Variants in POU2F3 observed in about 807,000 individuals in gnomAD.
POU2F3 encodes POU domain, class 2, transcription factor 3.
Under a neutral mutation model 59.2 loss-of-function variants are expected in POU2F3, and 23 were observed. The ratio of observed to expected loss-of-function variants is 0.39; its 90% CI spans 0.28 to 0.55. The LOEUF (loss-of-function observed/expected upper bound fraction) is 0.55, where lower values mean the gene tolerates loss of function less well. POU2F3 is among the 20% of genes least tolerant of loss of function. The pLI, the probability that POU2F3 is intolerant of heterozygous loss-of-function variation, is 0.66. For synonymous variants in POU2F3, 190 were observed against 214.6 expected (o/e 0.89, Z 1.00); for missense variants, 473 against 544.5 (o/e 0.87, Z 1.31).
intron 3 of POU2F3, among the ~76,000 whole-genome samples, chr11:120,280,701 G>C (rs1432369487): frequency 6.6e-6 from 1 of 152,176 alleles, no homozygotes; most frequent in African/African-American, 2.4e-5. Flanking sequence ...ATGTTACCCA[G>C]AGCCCCTCAC....
At chr11:120,297,722 T>A (rs1314826536) in intron 3 of POU2F3, among the ~76,000 whole-genome samples, 1 of 152,114 alleles carries the variant, frequency 6.6e-6, no homozygotes, top group African/African-American at 2.4e-5. Context: ...ATTTTAACCT[T>A]CTTCCTCCTA....
intron 6 of POU2F3, chr11:120,303,760 T>C (rs1941408757): frequency 6.6e-6 from 1 of 152,208 alleles, no homozygotes; most frequent in Non-Finnish European, 1.5e-5. Context: ...GAGGTCCTTT[T>C]ACCTTCTTCA....
intron 6 of POU2F3, 125 bp from the exon 7 acceptor site, chr11:120,304,905 A>C: frequency 5.4e-6 from 4 of 735,884 alleles, no homozygotes. Flanking sequence ...CCCAGGGTGT[A>C]TCCAGGGATC....
chr11:120,258,432 C>T (rs1180775713), intron 2 of POU2F3, among the ~76,000 whole-genome samples: 1 of 152,190 alleles, frequency 6.6e-6, no homozygotes, highest in Non-Finnish European at 1.5e-5. Context: ...TTGCCATTTG[C>T]TGGTCGCATG....
At chr11:120,270,301 T>G (rs904301735) in intron 3 of POU2F3, among the ~76,000 whole-genome samples, 9 of 152,094 alleles carry the variant, frequency 5.9e-5, no homozygotes, top group African/African-American at 2.2e-4. Flanking sequence ...CGGGGTGGAA[T>G]GTCTATAGAG....
rs903586978 is a variant in POU2F3, at chr11:120,240,264, C to G, written c.-80C>G. The G allele has an allele frequency of 7.9e-7, 1 of 1,267,520 alleles. No homozygotes were observed. The highest frequency in any genetic ancestry group is 1.5e-5 in the African/African-American group (1 of 64,680). 78.5% of individuals were successfully genotyped at this position (1,267,520 alleles called of 1,614,324 possible). On this transcript the variant is annotated 5_prime_UTR_variant, in exon 1 of 13. Transcript: ENST00000543440. ...GCGGCCGGGAACTGGAGGAAGGAGA[C>G]CCTGGCTTCGCAGGGGCCCCGGCTG...
intron 3 of POU2F3, among the ~76,000 whole-genome samples, chr11:120,284,582 G>A (rs144531268): frequency 8.1e-4 from 124 of 152,286 alleles, no homozygotes; most frequent in Non-Finnish European, 1.3e-3. Flanking sequence ...CCAGTTTGAG[G>A]TTTGTAGTTA....
intron 3 of POU2F3, 128 bp downstream of exon 3, chr11:120,269,372 G>A: frequency 1.3e-6 from 1 of 752,408 alleles, no homozygotes; most frequent in South Asian, 1.9e-5. Context: ...CAACCTTTCA[G>A]GATCAAAGGA....
At chr11:120,313,944 G>A (rs919606969) in intron 10 of POU2F3, among the ~76,000 whole-genome samples, 1 of 152,200 alleles carries the variant, frequency 6.6e-6, no homozygotes, top group African/African-American at 2.4e-5. Flanking sequence ...AACCCAGGAG[G>A]CAGAGGTTGC....
At chr11:120,247,327 A>C (rs1214434258) in intron 2 of POU2F3, among the ~76,000 whole-genome samples, 1 of 152,214 alleles carries the variant, frequency 6.6e-6, no homozygotes, top group African/African-American at 2.4e-5. Flanking sequence ...GAAGAGAATC[A>C]ATGTCCCCCA....
chr11:120,242,733 A>G (rs1938717687), intron 1 of POU2F3, among the ~76,000 whole-genome samples: 1 of 152,186 alleles, frequency 6.6e-6, no homozygotes, highest in Non-Finnish European at 1.5e-5. Context: ...GGTACGAGCC[A>G]TGATTCAGGT....
In POU2F3 at chr11:120,273,102, G is replaced by A. The variant is rs1445132842; in HGVS notation, c.132+3858G>A. On this transcript the variant is annotated intron_variant, in intron 3 of 12. Transcript: ENST00000543440. ...AGAAATCAGGAAGAAAGTCACCCTTGAGCTGTAGAGAGTGAGGGGAAATAT... is the reference window on the plus strand; with the variant it reads ...AGAAATCAGGAAGAAAGTCACCCTTAAGCTGTAGAGAGTGAGGGGAAATAT... 2.0e-5 allele frequency among the ~76,000 whole-genome samples: 3 copies of A among 152,166 alleles called. No individual in the cohort carries two copies. The East Asian group carries it at 5.8e-4, about 29-fold the overall frequency.
intron 3 of POU2F3, among the ~76,000 whole-genome samples, chr11:120,271,544 C>T (rs959108922): frequency 6.6e-5 from 10 of 152,328 alleles, no homozygotes; most frequent in Middle Eastern, 3.4e-3. Flanking sequence ...ACAAGATGCA[C>T]GGGGAGGAGC....
intron 3 of POU2F3, among the ~76,000 whole-genome samples, chr11:120,275,370 C>A (rs921920896): frequency 6.6e-6 from 1 of 152,104 alleles, no homozygotes; most frequent in Non-Finnish European, 1.5e-5. Flanking sequence ...CAGGGCACAG[C>A]TGTCCTTGCC....
chr11:120,314,078 G>A (rs115189497), intron 10 of POU2F3, among the ~76,000 whole-genome samples: 3,285 of 152,222 alleles, frequency 0.022, 126 homozygotes, highest in African/African-American at 0.074. Flanking sequence ...GAGGAGAAGA[G>A]GTAGGGAGAT....
At chr11:120,265,968 G>A (rs925941002) in intron 2 of POU2F3, 15 of 152,064 alleles carry the variant, frequency 9.9e-5, no homozygotes, top group African/African-American at 3.4e-4. Context: ...TCTAGGCTCA[G>A]TTCCTTTGTG....
At chr11:120,263,032 C>T (rs1939670769) in intron 2 of POU2F3, among the ~76,000 whole-genome samples, 2 of 151,344 alleles carry the variant, frequency 1.3e-5, no homozygotes, top group Non-Finnish European at 1.5e-5. Flanking sequence ...CACTCTGTTG[C>T]CCAGGCTGCA....
chr11:120,248,995 T>A (rs1459821214), intron 2 of POU2F3, among the ~76,000 whole-genome samples: 1 of 152,192 alleles, frequency 6.6e-6, no homozygotes, highest in African/African-American at 2.4e-5. Context: ...GCACCCCCTG[T>A]GCTGCGTGAA....
chr11:120,284,521 G>A (rs1257018201), intron 3 of POU2F3, among the ~76,000 whole-genome samples: 1 of 152,036 alleles, frequency 6.6e-6, no homozygotes, highest in East Asian at 1.9e-4. Context: ...GTTGTTGGGT[G>A]CTAGGGCCTA....
Sources: allele counts gnomAD v4.1 joint callset (sites outside exome capture counted in the v4.1 genomes callset), GRCh38; gene constraint gnomAD v4.1.1; transcripts MANE v1.5; gene names NCBI Gene and HGNC (gene_info 2026-07-23, HGNC 2026-07-21).